PKP1: variants seen among roughly 807,000 people sequenced by gnomAD.
The protein encoded by PKP1 is plakophilin-1.
PKP1 carries 27 observed loss-of-function variants against 76.4 expected under a neutral mutation model. The ratio of observed to expected loss-of-function variants is 0.35; its 90% CI spans 0.26 to 0.49. The LOEUF (loss-of-function observed/expected upper bound fraction) is 0.49, where lower values mean the gene tolerates loss of function less well. Among genes scored for constraint, PKP1 ranks in the 20% least tolerant of loss-of-function variants. The pLI is 0.99. For synonymous variants in PKP1, 404 were observed against 384.2 expected (o/e 1.05, Z -0.60); for missense variants, 964 against 955.2 (o/e 1.01, Z -0.12).
chr1:201,295,155 C>T (rs1169406810), intron 2 of PKP1, among the ~76,000 whole-genome samples: 2 of 152,112 alleles, frequency 1.3e-5, no homozygotes, highest in African/African-American at 4.8e-5. Context: ...ACAGATATCA[C>T]TCCTGATTGA....
At chr1:201,284,462 G>C (rs997306833) in intron 1 of PKP1, among the ~76,000 whole-genome samples, 1 of 152,244 alleles carries the variant, frequency 6.6e-6, no homozygotes, top group African/African-American at 2.4e-5. Flanking sequence ...GAGTATCCGC[G>C]AGCGGGGTGA....
chr1:201,312,980 T>A (rs1375956211), intron 2 of PKP1, among the ~76,000 whole-genome samples, 186 bp from the exon 3 acceptor site: 1 of 152,196 alleles, frequency 6.6e-6, no homozygotes, highest in Non-Finnish European at 1.5e-5. Context: ...TAATCCACAA[T>A]GGGTCACAGC....
intron 1 of PKP1, 137 bp downstream of exon 1, chr1:201,284,041 C>A: frequency 1.2e-6 from 1 of 822,610 alleles, no homozygotes; most frequent in Non-Finnish European, 2.0e-6. Flanking sequence ...GGTCTACGCA[C>A]CTAGTGCGAG....
At chr1:201,315,413 T>C (rs1656693265) in intron 3 of PKP1, among the ~76,000 whole-genome samples, 1 of 152,198 alleles carries the variant, frequency 6.6e-6, no homozygotes, top group Non-Finnish European at 1.5e-5. Flanking sequence ...AGCATAAGGA[T>C]AGGGCTCCCT....
chr1:201,316,261 A>C, intron 3 of PKP1: 6 of 372,420 alleles, frequency 1.6e-5, no homozygotes, highest in African/African-American at 2.1e-5. Flanking sequence ...CCCTCAGGGA[A>C]TAGGGAGGAG....
rs765102835 is a variant in PKP1, at chr1:201,316,647, G to A, written c.796G>A (p.Ala266Thr). The A allele has an allele frequency of 1.9e-6, 3 of 1,613,630 alleles. No homozygotes were observed. The African/African-American group carries it at 4.0e-5, about 22-fold the overall frequency. Residue 266 changes from alanine (A) to threonine (T), a missense_variant, in exon 4 of 14, where the codon GCC becomes ACC. Physicochemically the swap from Ala to Thr is moderately conservative, Grantham distance 58. Transcript: ENST00000367324. ...GGATGAGAAGTACCAGGCCATTGGGGCCTATTACATCCAGCATACCTGCTT... is the reference window on the plus strand; with the variant it reads ...GGATGAGAAGTACCAGGCCATTGGGACCTATTACATCCAGCATACCTGCTT... Reference protein sequence around the residue: ...SQDEKYQAIGAYYIQHTCFQD... With the variant: ...SQDEKYQAIGTYYIQHTCFQD...
chr1:201,304,146 C>A (rs1421335054), intron 2 of PKP1, among the ~76,000 whole-genome samples: 2 of 152,190 alleles, frequency 1.3e-5, no homozygotes, highest in African/African-American at 4.8e-5. Flanking sequence ...AATCAGCTCT[C>A]AGGAGGCCCC....
intron 1 of PKP1, among the ~76,000 whole-genome samples, chr1:201,290,965 A>T (rs866859644): frequency 1.3e-5 from 2 of 152,152 alleles, no homozygotes; most frequent in Middle Eastern, 3.2e-3. Context: ...TTGCTATTGA[A>T]CTTGACTTTT....
rs1465756632 is a variant in PKP1 at position 201,332,068 on chromosome 1, A to C, written c.*2027A>C. On this transcript the variant is annotated 3_prime_UTR_variant, in exon 14 of 14. Transcript: ENST00000367324. ...CCACATCCCTGTCCTCATGCGGCTT[A>C]TGTTTTCTGGAGGAAAGTGGAGACA... 2 of 152,502 alleles carry C rather than the reference A, an allele frequency of 1.3e-5. No individual in the cohort carries two copies. Among genetic ancestry groups the C allele is most frequent in the Non-Finnish European group, 2.9e-5 (2 of 68,294 alleles). 9.4% of individuals were successfully genotyped at this position (152,502 alleles called of 1,614,324 possible). A position where few individuals can be genotyped will look rare whatever the true frequency, so the allele number is the denominator to read the frequency against.
Position 201,313,507 on chromosome 1 carries a change from G to A in PKP1, c.648G>A (p.Pro216=), listed in dbSNP as rs200419666. 6.9e-5 allele frequency: 111 copies of A among 1,613,966 alleles called. No individual in the cohort carries two copies. The East Asian group carries it at 1.5e-3, about 21-fold the overall frequency. ...CASKQDPVYI[P]PISCNKDLSF... Reference sequence around the variant, plus strand: ...CCAAGCAGGACCCTGTGTATATCCCGCCCATCTCCTGCAACAAGGACCTGT... The same window carrying A: ...CCAAGCAGGACCCTGTGTATATCCCACCCATCTCCTGCAACAAGGACCTGT... Residue 216 remains proline (P), a synonymous_variant, in exon 3 of 14, where the codon CCG becomes CCA. Coordinates refer to ENST00000367324, the MANE Select transcript of PKP1 (RefSeq NM_001005337.3).
rs759152117 is a variant in PKP1, at chr1:201,317,701, C to T, written c.976C>T (p.Arg326Trp). The change falls in exon 5 of 14, where the codon CGG becomes TGG. Residue 326 changes from arginine (R) to tryptophan (W), a missense_variant. Arg to Trp is a moderately radical substitution (Grantham distance 101). Transcript: ENST00000367324. ...FRSTTNKLET[R>W]RQNGIREAVS... is the part of the protein sequence containing the mutation. ...GAGCACCACCAACAAGCTGGAGACCCGGAGGCAGAATGGGATCCGCGAGGC... is the reference window on the plus strand; with the variant it reads ...GAGCACCACCAACAAGCTGGAGACCTGGAGGCAGAATGGGATCCGCGAGGC... 2.2e-5 allele frequency: 35 copies of T among 1,613,826 alleles called. No homozygotes were observed. In the East Asian group the frequency reaches 3.8e-4, roughly 17 times the overall value.
Position 201,325,848 on chromosome 1 carries a change from C to G in PKP1, c.2106+10C>G. 2 of 1,599,920 alleles carry G rather than the reference C, an allele frequency of 1.3e-6. No homozygotes were observed. The highest frequency in any genetic ancestry group is 3.3e-4 in the Middle Eastern group (2 of 6,042). On this transcript the variant is annotated intron_variant, in intron 12 of 13. Coordinates refer to ENST00000367324, the MANE Select transcript of PKP1 (RefSeq NM_001005337.3). ...GGGTGTCCTCAGACAGGTAAGAGCC[C>G]AGGACATCATCCTCTTCTGAGGTTC...
At chr1:201,290,340 G>T (rs915674183) in intron 1 of PKP1, among the ~76,000 whole-genome samples, 2 of 152,084 alleles carry the variant, frequency 1.3e-5, no homozygotes, top group African/African-American at 4.8e-5. Flanking sequence ...TGGCACACAG[G>T]TTGGGCACAC....
intron 1 of PKP1, among the ~76,000 whole-genome samples, chr1:201,286,360 C>A (rs1655737887): frequency 6.6e-6 from 1 of 152,168 alleles, no homozygotes. Context: ...CCAACCATAC[C>A]CCACAGGTTG....
intron 2 of PKP1, among the ~76,000 whole-genome samples, chr1:201,299,743 G>A (rs1656171198): frequency 6.6e-6 from 1 of 152,210 alleles, no homozygotes; most frequent in Admixed American, 6.5e-5. Flanking sequence ...AAGATGGTAG[G>A]ACTTCATTTA....
At chr1:201,296,978 T>C (rs1656096707) in intron 2 of PKP1, among the ~76,000 whole-genome samples, 1 of 152,162 alleles carries the variant, frequency 6.6e-6, no homozygotes, top group Non-Finnish European at 1.5e-5. Flanking sequence ...TTTAAATATG[T>C]AAAGGATCTG....
chr1:201,324,696 G>T, intron 10 of PKP1, 115 bp downstream of exon 10: 1 of 1,368,470 alleles, frequency 7.3e-7, no homozygotes, highest in Admixed American at 1.8e-5. Flanking sequence ...TTCCAAGAAA[G>T]GAAGCTGGCC....
At chr1:201,293,128 T>A (rs948149130) in intron 1 of PKP1, among the ~76,000 whole-genome samples, 3 of 152,100 alleles carry the variant, frequency 2.0e-5, no homozygotes, top group African/African-American at 7.2e-5. Flanking sequence ...TGGCCATATT[T>A]CAAGGACAGC....
At position 201,328,861 on chromosome 1, in the gene PKP1, G is replaced by C. The variant is rs370739529; in HGVS notation, c.*25G>C. On this transcript the variant is annotated 3_prime_UTR_variant, in exon 13 of 14. Transcript: ENST00000367324. ...AGAAGAGACTGTCCAAGCAAGTTAG[G>C]CTTGCAGGTAAGAATCACCCCACCC... 17 of 1,596,196 alleles carry C rather than the reference G, an allele frequency of 1.1e-5. No homozygotes were observed. The highest frequency in any genetic ancestry group is 2.7e-5 in the African/African-American group (2 of 74,608).
Sources: allele counts gnomAD v4.1 joint callset (sites outside exome capture counted in the v4.1 genomes callset), GRCh38; gene constraint gnomAD v4.1.1; transcripts MANE v1.5; gene names NCBI Gene and HGNC (gene_info 2026-07-23, HGNC 2026-07-21).